Variants in TRIM55 observed in about 807,000 individuals in gnomAD.
TRIM55 encodes tripartite motif-containing protein 55.
A neutral mutation model predicts 60.9 loss-of-function variants in TRIM55; 50 were observed. The ratio of observed to expected loss-of-function variants is 0.82; its 90% CI spans 0.65 to 1.04. TRIM55 has a LOEUF of 1.04. Among genes scored for constraint, TRIM55 ranks in the 50% least tolerant of loss-of-function variants. The pLI is 0.00. For synonymous variants in TRIM55, 237 were observed against 238.1 expected (o/e 1.00, Z 0.04); for missense variants, 681 against 666.9 (o/e 1.02, Z -0.23).
chr8:66,156,955 G>T (rs1810778142), intron 9 of TRIM55, among the ~76,000 whole-genome samples: 1 of 152,134 alleles, frequency 6.6e-6, no homozygotes, highest in Admixed American at 6.5e-5. Context: ...AGGATGTATT[G>T]GCCATGGACT....
upstream of TRIM55, among the ~76,000 whole-genome samples, chr8:66,124,236 C>T (rs1191317296): frequency 2.0e-5 from 3 of 152,234 alleles, no homozygotes; most frequent in African/African-American, 7.2e-5. Context: ...CAGCCACCTT[C>T]ATGCTAATCT....
At chr8:66,137,758 G>GAA (rs34634925) in intron 4 of TRIM55, among the ~76,000 whole-genome samples, 2,476 of 116,276 alleles carry the variant, frequency 0.021, 87 homozygotes, top group African/African-American at 0.074. Context: ...AATCAACACT[G>GAA]AAAAAAAAAA....
At position 66,169,475 on chromosome 8, in the gene TRIM55, T is replaced by C. The variant is rs112492074; in HGVS notation, c.1525-4996T>C. On this transcript the variant is annotated intron_variant, in intron 9 of 9. Transcript: ENST00000315962. ...ACATAAAAATCAAGCCAAATCTCCA[T>C]TGAGCATTTTACTTCCTTTTCTTTG... is the stretch of plus-strand genomic sequence containing the variant. Among the ~76,000 whole-genome samples, 788 of 152,320 alleles carry C rather than the reference T, an allele frequency of 5.2e-3. 15 individuals carry two copies. Among genetic ancestry groups the C allele is most frequent in the African/African-American group, 0.018 (750 of 41,566 alleles).
intron 2 of TRIM55, among the ~76,000 whole-genome samples, chr8:66,130,659 C>CTT (rs572999976): frequency 8.3e-4 from 102 of 122,964 alleles, no homozygotes; most frequent in African/African-American, 1.8e-3. Context: ...ACCTAGCATT[C>CTT]TTTTTTTTTT....
the TRIM55 span, among the ~76,000 whole-genome samples, chr8:66,119,824 A>G: frequency 1.3e-5 from 2 of 152,350 alleles, no homozygotes; most frequent in East Asian, 1.9e-4. Context: ...ACATTTAAAT[A>G]TAAGTTTAAA....
intron 7 of TRIM55, among the ~76,000 whole-genome samples, chr8:66,150,717 A>T (rs1204871157): frequency 6.6e-6 from 1 of 151,738 alleles, no homozygotes; most frequent in Non-Finnish European, 1.5e-5. Flanking sequence ...CCCAGCCTAG[A>T]GTGCAATGGC....
the TRIM55 span, chr8:66,114,446 TG>T: frequency 4.5e-6 from 2 of 439,834 alleles, no homozygotes; most frequent in Admixed American, 2.5e-5. Context: ...CCCATTTAAT[TG>T]GGGGGAAATT....
intron 4 of TRIM55, among the ~76,000 whole-genome samples, chr8:66,145,790 A>G (rs891971387): frequency 1.4e-4 from 21 of 152,296 alleles, no homozygotes; most frequent in Admixed American, 2.0e-4. Flanking sequence ...TACAGGTGTG[A>G]GCCACTGCAC....
the TRIM55 span, among the ~76,000 whole-genome samples, chr8:66,119,356 G>A: frequency 6.6e-6 from 1 of 152,062 alleles, no homozygotes; most frequent in South Asian, 2.1e-4. Flanking sequence ...AAACCATATC[G>A]GTTTTTTATT....
At chr8:66,131,217 C>T (rs112754711) in intron 2 of TRIM55, among the ~76,000 whole-genome samples, 93 of 152,162 alleles carry the variant, frequency 6.1e-4, no homozygotes, top group African/African-American at 2.1e-3. Context: ...ATTACTGCTA[C>T]CCTATTAAAG....
chr8:66,167,099 C>T (rs557371148), intron 9 of TRIM55, among the ~76,000 whole-genome samples: 37 of 152,108 alleles, frequency 2.4e-4, no homozygotes, highest in Non-Finnish European at 5.0e-4. Flanking sequence ...GACCCTGTCC[C>T]GAGTCTCAGG....
At chr8:66,156,064 G>A (rs141185732) in intron 9 of TRIM55, among the ~76,000 whole-genome samples, 115 of 152,298 alleles carry the variant, frequency 7.6e-4, no homozygotes, top group African/African-American at 2.6e-3. Flanking sequence ...CTTACTGCTC[G>A]TAGAGAAAGG....
chr8:66,146,936 C>T (rs987814497), intron 4 of TRIM55, among the ~76,000 whole-genome samples: 3 of 152,208 alleles, frequency 2.0e-5, no homozygotes, highest in Non-Finnish European at 4.4e-5. Flanking sequence ...ACCTCCTTTA[C>T]TCCTATTCCT....
At chr8:66,155,528 T>C in intron 9 of TRIM55, 1 of 916,614 alleles carries the variant, frequency 1.1e-6, no homozygotes, top group Non-Finnish European at 1.7e-6. Context: ...GAGCACGTAG[T>C]AGGGCTCAAG....
At chr8:66,119,278 C>A in the TRIM55 span, among the ~76,000 whole-genome samples, 1 of 152,208 alleles carries the variant, frequency 6.6e-6, no homozygotes, top group Non-Finnish European at 1.5e-5. Context: ...AGAGTAAGAT[C>A]AGTCTTCCGA....
chr8:66,138,226 T>C (rs1423622540), intron 4 of TRIM55, among the ~76,000 whole-genome samples: 1 of 152,194 alleles, frequency 6.6e-6, no homozygotes, highest in Non-Finnish European at 1.5e-5. Context: ...CCACTCTTGT[T>C]CTCCTCCCCA....
rs1809531773 is a variant in TRIM55 at position 66,137,201 on chromosome 8, T to C, written c.603+11T>C. 1 of 1,610,978 alleles carries C rather than the reference T, an allele frequency of 6.2e-7. No individual in the cohort carries two copies. Among genetic ancestry groups the C allele is most frequent in the East Asian group, 2.2e-5 (1 of 44,848 alleles). ...TGCAAAACTATCGAGGTGAGTCAGG[T>C]GACTCCCACAGCGTCTCAACCAAGC... On this transcript the variant is annotated intron_variant, in intron 4 of 9. Transcript: ENST00000315962.
chr8:66,138,457 T>A (rs1214548345), intron 4 of TRIM55, among the ~76,000 whole-genome samples: 5 of 152,198 alleles, frequency 3.3e-5, no homozygotes, highest in Non-Finnish European at 7.3e-5. Flanking sequence ...TGGCATGATC[T>A]TGGCTCCCTG....
intron 9 of TRIM55, 146 bp downstream of exon 9, chr8:66,154,480 ATGT>A (rs1168775684): frequency 1.0e-5 from 9 of 893,720 alleles, no homozygotes; most frequent in African/African-American, 1.7e-5. Flanking sequence ...TCATCCCCCA[ATGT>A]TGGCTTGTTT....
Sources: allele counts gnomAD v4.1 joint callset (sites outside exome capture counted in the v4.1 genomes callset), GRCh38; gene constraint gnomAD v4.1.1; transcripts MANE v1.5; gene names NCBI Gene and HGNC (gene_info 2026-07-23, HGNC 2026-07-21).